The following BABAM2 variants were observed in gnomAD, a reference collection of about 807,000 sequenced individuals.
The protein encoded by BABAM2 is BRISC and BRCA1 A complex member 2.
Under a neutral mutation model 54.7 loss-of-function variants are expected in BABAM2, and 31 were observed. The ratio of observed to expected loss-of-function variants is 0.57; its 90% confidence interval spans 0.43 to 0.77. The LOEUF (loss-of-function observed/expected upper bound fraction) is 0.77. BABAM2 is among the 30% of genes least tolerant of loss of function. The pLI is 0.00. For missense variants in BABAM2, 364 were observed against 455.8 expected (o/e 0.80, Z 1.83); for synonymous variants, 167 against 162.9 (o/e 1.03, Z -0.19).
intron 6 of BABAM2, among the ~76,000 whole-genome samples, chr2:28,085,479 G>A (rs775893062): frequency 6.6e-6 from 1 of 152,130 alleles, no homozygotes; most frequent in Non-Finnish European, 1.5e-5. Flanking sequence ...AGACGGAGAC[G>A]TAAAATTTGC....
intron 2 of BABAM2, among the ~76,000 whole-genome samples, chr2:27,928,356 G>A (rs555577648): frequency 6.6e-6 from 1 of 151,916 alleles, no homozygotes; most frequent in Non-Finnish European, 1.5e-5. Context: ...CACCATGTTG[G>A]CCAGGCTGGT....
chr2:28,168,362 C>T (rs964914302), intron 7 of BABAM2, among the ~76,000 whole-genome samples: 8 of 152,208 alleles, frequency 5.3e-5, no homozygotes, highest in South Asian at 2.1e-4. Context: ...GGCTCACTCA[C>T]GTAGTATAAT....
intron 3 of BABAM2, among the ~76,000 whole-genome samples, chr2:27,972,994 C>G (rs1671333580): frequency 6.6e-6 from 1 of 151,810 alleles, no homozygotes; most frequent in African/African-American, 2.4e-5. Flanking sequence ...TTTTGAACTC[C>G]TGACCTCAGA....
chr2:28,171,891 C>A (rs1423092908), intron 7 of BABAM2, among the ~76,000 whole-genome samples: 1 of 152,116 alleles, frequency 6.6e-6, no homozygotes, highest in African/African-American at 2.4e-5. Flanking sequence ...TTCTTCCCCT[C>A]AGCTTAGAAG....
chr2:28,026,968 A>AAATATGTAT (rs372690455), intron 5 of BABAM2, among the ~76,000 whole-genome samples: 1 of 64,814 alleles, frequency 1.5e-5, no homozygotes, highest in African/African-American at 6.2e-5. Flanking sequence ...AAATATATAT[A>AAATATGTAT]TAAATATATA....
intron 6 of BABAM2, among the ~76,000 whole-genome samples, chr2:28,127,473 G>C (rs1404823260): frequency 6.6e-6 from 1 of 152,058 alleles, no homozygotes; most frequent in Non-Finnish European, 1.5e-5. Flanking sequence ...AGAGTGTGTA[G>C]ATATCTCTTC....
chr2:27,937,497 CT>C (rs1300345478), intron 3 of BABAM2, among the ~76,000 whole-genome samples: 1 of 152,176 alleles, frequency 6.6e-6, no homozygotes, highest in Non-Finnish European at 1.5e-5. Flanking sequence ...AGAGAGCTGA[CT>C]GTAGCCATTG....
intron 5 of BABAM2, among the ~76,000 whole-genome samples, chr2:28,039,944 T>C (rs1345819670): frequency 7.8e-6 from 1 of 127,860 alleles, no homozygotes; most frequent in Non-Finnish European, 1.7e-5. Context: ...AGAGAAGATT[T>C]TGACCAAGGA....
intron 7 of BABAM2, among the ~76,000 whole-genome samples, chr2:28,217,971 T>C (rs1680065999): frequency 6.6e-6 from 1 of 152,260 alleles, no homozygotes; most frequent in African/African-American, 2.4e-5. Context: ...ACAGGGATTT[T>C]TGTGTAACTT....
At chr2:28,019,339 A>AG (rs1158540865) in intron 4 of BABAM2, among the ~76,000 whole-genome samples, 1 of 20,344 alleles carries the variant, frequency 4.9e-5, no homozygotes, top group Admixed American at 8.1e-4. Context: ...CTTCTTAATG[A>AG]GATTTTTTTT....
intron 11 of BABAM2, among the ~76,000 whole-genome samples, chr2:28,335,129 C>T (rs1293029272): frequency 2.4e-4 from 35 of 145,610 alleles, no homozygotes; most frequent in African/African-American, 8.3e-4. Flanking sequence ...TGTTCTCTTT[C>T]TGGAGCTGCT....
intron 11 of BABAM2, among the ~76,000 whole-genome samples, chr2:28,314,732 G>T (rs1039211243): frequency 6.6e-6 from 1 of 152,130 alleles, no homozygotes; most frequent in Non-Finnish European, 1.5e-5. Context: ...CTTTAAGGTG[G>T]CAACGTGCAG....
At chr2:28,267,683 C>T (rs933185894) in intron 10 of BABAM2, among the ~76,000 whole-genome samples, 4 of 152,206 alleles carry the variant, frequency 2.6e-5, no homozygotes, top group African/African-American at 9.6e-5. Context: ...CCTCAGCATC[C>T]TCCACTGCAC....
At chr2:28,105,466 C>T (rs1364193928) in intron 6 of BABAM2, among the ~76,000 whole-genome samples, 1 of 152,040 alleles carries the variant, frequency 6.6e-6, no homozygotes, top group Non-Finnish European at 1.5e-5. Flanking sequence ...ACCTAGGGAG[C>T]TACTGGATTG....
chr2:27,891,512 G>GTA (rs1387665767), intron 1 of BABAM2, among the ~76,000 whole-genome samples: 1 of 152,138 alleles, frequency 6.6e-6, no homozygotes, highest in East Asian at 1.9e-4. Context: ...AATTGCAGTA[G>GTA]TAGTATTCAG....
intron 6 of BABAM2, among the ~76,000 whole-genome samples, chr2:28,115,456 C>T (rs1417271641): frequency 6.6e-6 from 1 of 151,922 alleles, no homozygotes; most frequent in Non-Finnish European, 1.5e-5. Flanking sequence ...GAAACCCTGT[C>T]TCTACTAAAA....
At chr2:28,273,346 CTT>C (rs1685593085) in intron 10 of BABAM2, among the ~76,000 whole-genome samples, 1 of 152,238 alleles carries the variant, frequency 6.6e-6, no homozygotes, top group African/African-American at 2.4e-5. Context: ...CCTTTCTTCT[CTT>C]CTCTCCTCTC....
chr2:28,228,371 T>C (rs968761050), intron 7 of BABAM2, among the ~76,000 whole-genome samples: 1 of 152,220 alleles, frequency 6.6e-6, no homozygotes, highest in Non-Finnish European at 1.5e-5. Context: ...CATTAAAACA[T>C]GTGTGCAGTG....
At chr2:28,318,328 G>A (rs1207585763) in intron 11 of BABAM2, among the ~76,000 whole-genome samples, 1 of 152,216 alleles carries the variant, frequency 6.6e-6, no homozygotes, top group Non-Finnish European at 1.5e-5. Context: ...AGTTTTATTG[G>A]AACACAGCCA....
Sources: gnomAD v4.1 joint callset for allele counts (sites outside exome capture counted in the v4.1 genomes callset) on GRCh38, gnomAD v4.1.1 for gene constraint, MANE v1.5 for transcripts, NCBI Gene and HGNC (gene_info 2026-07-23, HGNC 2026-07-21) for gene names.